ENTREP2: variants seen among roughly 807,000 people sequenced by gnomAD.
ENTREP2 encodes endosomal transmembrane epsin interactor 2.
chr15:29,458,620 G>A, the ENTREP2 span, among the ~76,000 whole-genome samples: 1 of 152,088 alleles, frequency 6.6e-6, no homozygotes, highest in Non-Finnish European at 1.5e-5. Context: ...ATAAGCCAAG[G>A]TCATGGTCAC....
chr15:29,456,513 G>A, the ENTREP2 span, among the ~76,000 whole-genome samples: 3 of 152,290 alleles, frequency 2.0e-5, no homozygotes, highest in East Asian at 1.9e-4. Flanking sequence ...TTCTAAGTCA[G>A]TCGGCTGCCA....
chr15:29,370,633 T>TTG, the ENTREP2 span, among the ~76,000 whole-genome samples: 1 of 151,952 alleles, frequency 6.6e-6, no homozygotes, highest in South Asian at 2.1e-4. Flanking sequence ...ATTGAAATGA[T>TTG]CCACAGAGTC....
chr15:29,233,723 G>C, the ENTREP2 span: 1 of 1,361,764 alleles, frequency 7.3e-7, no homozygotes, highest in Non-Finnish European at 1.1e-6. Flanking sequence ...AAGTTACATG[G>C]ATCTGAGCTG....
At chr15:29,622,181 A>G in the ENTREP2 span, among the ~76,000 whole-genome samples, 1 of 151,928 alleles carries the variant, frequency 6.6e-6, no homozygotes, top group African/African-American at 2.4e-5. Flanking sequence ...CTGTACACTT[A>G]AAATGGTTAA....
At chr15:29,190,023 C>T in the ENTREP2 span, among the ~76,000 whole-genome samples, 1 of 152,160 alleles carries the variant, frequency 6.6e-6, no homozygotes, top group Admixed American at 6.5e-5. Flanking sequence ...ATGAGATGCC[C>T]AGAGGCAGGC....
the ENTREP2 span, among the ~76,000 whole-genome samples, chr15:29,524,320 A>G: frequency 5.6e-3 from 846 of 152,338 alleles, 5 homozygotes; most frequent in South Asian, 0.021. Flanking sequence ...CCACAGCAAG[A>G]AAGCACATCA....
At chr15:29,420,302 A>C in the ENTREP2 span, among the ~76,000 whole-genome samples, 1 of 152,186 alleles carries the variant, frequency 6.6e-6, no homozygotes, top group Non-Finnish European at 1.5e-5. Context: ...TCACAGTATG[A>C]CATCCACAGG....
the ENTREP2 span, among the ~76,000 whole-genome samples, chr15:29,629,733 ATTGT>A: frequency 6.8e-6 from 1 of 147,916 alleles, no homozygotes; most frequent in Non-Finnish European, 1.5e-5. Context: ...TACTTATTCT[ATTGT>A]TTTTTTCTTT....
chr15:29,259,662 G>C, the ENTREP2 span, among the ~76,000 whole-genome samples: 1 of 151,992 alleles, frequency 6.6e-6, no homozygotes, highest in Non-Finnish European at 1.5e-5. Flanking sequence ...CCTCCCTCCT[G>C]ATTCTTCATT....
At chr15:29,457,563 A>T in the ENTREP2 span, among the ~76,000 whole-genome samples, 1 of 152,274 alleles carries the variant, frequency 6.6e-6, no homozygotes, top group East Asian at 1.9e-4. Flanking sequence ...GCAGTCACAG[A>T]AGCCCTGAGG....
chr15:29,644,822 A>G, the ENTREP2 span, among the ~76,000 whole-genome samples: 20 of 150,980 alleles, frequency 1.3e-4, no homozygotes, highest in Non-Finnish European at 1.9e-4. Flanking sequence ...ATAAAAAAAA[A>G]AAAAAGAAAA....
At chr15:29,552,854 A>G in the ENTREP2 span, among the ~76,000 whole-genome samples, 2 of 152,210 alleles carry the variant, frequency 1.3e-5, no homozygotes, top group East Asian at 3.9e-4. Context: ...AACAGCTGAA[A>G]AGACCCCACT....
chr15:29,387,773 T>C, the ENTREP2 span, among the ~76,000 whole-genome samples: 4 of 152,028 alleles, frequency 2.6e-5, no homozygotes, highest in African/African-American at 9.7e-5. Context: ...AAAACAGAGA[T>C]ACAGACCAAT....
the ENTREP2 span, among the ~76,000 whole-genome samples, chr15:29,385,216 C>T: frequency 6.6e-6 from 1 of 152,160 alleles, no homozygotes; most frequent in East Asian, 1.9e-4. Context: ...ACTGGAAGTA[C>T]ATAAAACTTC....
the ENTREP2 span, among the ~76,000 whole-genome samples, chr15:29,447,788 C>T: frequency 2.6e-5 from 4 of 152,108 alleles, no homozygotes; most frequent in Admixed American, 1.3e-4. Context: ...CTTGGCCGGG[C>T]GTGGTGGCTC....
chr15:29,473,891 G>A, the ENTREP2 span, among the ~76,000 whole-genome samples: 2 of 152,276 alleles, frequency 1.3e-5, no homozygotes, highest in South Asian at 2.1e-4. Context: ...GGAGGCCCCC[G>A]GAGGCTCCAG....
the ENTREP2 span, among the ~76,000 whole-genome samples, chr15:29,347,554 C>T: frequency 2.1e-4 from 32 of 151,984 alleles, no homozygotes; most frequent in Non-Finnish European, 3.7e-4. Flanking sequence ...TATAGATACC[C>T]ATAGTCACAA....
chr15:29,572,112 C>G, the ENTREP2 span, among the ~76,000 whole-genome samples: 2 of 152,116 alleles, frequency 1.3e-5, no homozygotes, highest in Non-Finnish European at 2.9e-5. Context: ...TGCAAATTCC[C>G]CTTGAAGGGG....
At chr15:29,562,831 C>T in the ENTREP2 span, among the ~76,000 whole-genome samples, 1 of 152,034 alleles carries the variant, frequency 6.6e-6, no homozygotes, top group Admixed American at 6.6e-5. Context: ...CTCGCTGTCA[C>T]CCAGACTGGA....
Sources: allele counts gnomAD v4.1 joint callset (sites outside exome capture counted in the v4.1 genomes callset), GRCh38; gene constraint gnomAD v4.1.1; transcripts MANE v1.5; gene names NCBI Gene and HGNC (gene_info 2026-07-23, HGNC 2026-07-21).